GRM5: variants seen among roughly 807,000 people sequenced by gnomAD.
GRM5 encodes the protein glutamate metabotropic receptor 5.
Under a neutral mutation model 83.1 loss-of-function variants are expected in GRM5, and 19 were observed. The ratio of observed to expected loss-of-function variants is 0.23; its 90% CI spans 0.16 to 0.34. The LOEUF (loss-of-function observed/expected upper bound fraction) is 0.34. GRM5 is among the 10% of genes least tolerant of loss of function. The pLI, the probability that GRM5 is intolerant of heterozygous loss-of-function variation, is 1.00. For missense variants in GRM5, 1,160 were observed against 1,588.3 expected, an observed-to-expected ratio of 0.73 and a Z score of 4.58; for synonymous variants, 675 against 633.6, an observed-to-expected ratio of 1.07 and a Z score of -0.98.
At chr11:89,015,973 A>G (rs1256982022) in intron 2 of GRM5, among the ~76,000 whole-genome samples, 4 of 152,072 alleles carry the variant, frequency 2.6e-5, no homozygotes, top group Admixed American at 6.6e-5. Flanking sequence ...CTGTTTCTAA[A>G]AGTGATCAAA....
intron 2 of GRM5, among the ~76,000 whole-genome samples, chr11:88,889,127 G>T (rs144076549): frequency 6.6e-6 from 1 of 152,236 alleles, no homozygotes; most frequent in East Asian, 1.9e-4. Context: ...TAATCTTGAG[G>T]GCTAAGTTAA....
chr11:88,979,500 T>G (rs1013919902), intron 2 of GRM5, among the ~76,000 whole-genome samples: 2 of 152,190 alleles, frequency 1.3e-5, no homozygotes, highest in African/African-American at 4.8e-5. Flanking sequence ...TATTAATCCT[T>G]TCTAGGAGAC....
At chr11:88,924,134 C>CAAAAAAAAAAA (rs59939060) in intron 2 of GRM5, among the ~76,000 whole-genome samples, 2 of 146,840 alleles carry the variant, frequency 1.4e-5, no homozygotes, top group African/African-American at 5.0e-5. Context: ...TAGCTATAAT[C>CAAAAAAAAAAA]AAAAAAAAAA....
chr11:88,568,109 T>A, intron 7 of GRM5, 117 bp from the exon 8 acceptor site: 1 of 630,072 alleles, frequency 1.6e-6, no homozygotes, highest in Non-Finnish European at 2.8e-6. Flanking sequence ...TCTACCTTTC[T>A]AATTTCAGAA....
intron 2 of GRM5, among the ~76,000 whole-genome samples, chr11:89,027,704 G>A (rs7114254): frequency 0.44 from 66,331 of 152,034 alleles, 14,637 homozygotes; most frequent in Middle Eastern, 0.47. Context: ...ATTAGGACAT[G>A]TGAACGTATT....
At chr11:89,031,899 A>C (rs1941270761) in intron 2 of GRM5, among the ~76,000 whole-genome samples, 1 of 152,082 alleles carries the variant, frequency 6.6e-6, no homozygotes. Context: ...TTCAAAATGC[A>C]AAGAAAGGAC....
chr11:88,670,705 T>C (rs1309175039), intron 3 of GRM5, among the ~76,000 whole-genome samples: 1 of 152,104 alleles, frequency 6.6e-6, no homozygotes, highest in East Asian at 1.9e-4. Context: ...GTTTTTAAAG[T>C]GGTTAACTTT....
chr11:88,876,407 C>G (rs1319824328), intron 2 of GRM5, among the ~76,000 whole-genome samples: 1 of 152,104 alleles, frequency 6.6e-6, no homozygotes, highest in Non-Finnish European at 1.5e-5. Context: ...ATCCAGGCCA[C>G]TAAAACTTTC....
At chr11:89,050,880 C>T (rs1262998925) in intron 1 of GRM5, among the ~76,000 whole-genome samples, 1 of 152,062 alleles carries the variant, frequency 6.6e-6, no homozygotes, top group Admixed American at 6.6e-5. Flanking sequence ...TGCAGGTTCT[C>T]ACATGTAAAT....
At chr11:88,790,843 G>A (rs76242244) in intron 3 of GRM5, among the ~76,000 whole-genome samples, 5,513 of 152,226 alleles carry the variant, frequency 0.036, 269 homozygotes, top group Admixed American at 0.15. Flanking sequence ...GGAAGGCAAC[G>A]GCTAGCATAT....
chr11:88,811,655 C>A (rs1943590292), intron 3 of GRM5, among the ~76,000 whole-genome samples: 1 of 151,992 alleles, frequency 6.6e-6, no homozygotes, highest in Admixed American at 6.6e-5. Flanking sequence ...TAATTTAATA[C>A]CTATAGGACA....
chr11:88,983,481 T>C (rs924633380), intron 2 of GRM5, among the ~76,000 whole-genome samples: 1 of 152,198 alleles, frequency 6.6e-6, no homozygotes. Flanking sequence ...TCATAGTTAT[T>C]ATAATGTCAT....
At position 88,699,002 on chromosome 11, in the gene GRM5, A is replaced by G. The variant is rs543812986; in HGVS notation, c.912-45599T>C. 2.6e-5 allele frequency among the ~76,000 whole-genome samples: 4 copies of G among 152,298 alleles called. No homozygotes were observed. In the East Asian group the frequency reaches 7.7e-4, roughly 29 times the overall value. ...ATTATACAAGTGGTTACAACCTATG[A>G]GTAAGGACTATTGCTATTTCAAGGT... On this transcript the variant is annotated intron_variant, in intron 3 of 9. Transcript: ENST00000305447.
chr11:89,039,047 T>A (rs1018757687), intron 2 of GRM5, among the ~76,000 whole-genome samples: 5 of 151,966 alleles, frequency 3.3e-5, no homozygotes, highest in Non-Finnish European at 5.9e-5. Context: ...AGGCAGATCA[T>A]GAGGTCAGGA....
In GRM5 at chr11:88,567,027, T is replaced by C. The variant is rs763873982; in HGVS notation, c.2630+26A>G. The stretch of plus-strand genomic sequence containing the variant: ...TCTGCTCCAGTTTTAGGGGCCAGCA[T>C]CCCTGTAAGCCCCCACAACTTTTAC... On this transcript the variant is annotated intron_variant, in intron 8 of 9. Coordinates refer to ENST00000305447, the MANE Select transcript of GRM5 (RefSeq NM_001143831.3). This position sits in a 1 kb window ranked among gnomAD's most constrained non-coding sequence, Gnocchi z 7.3. The C allele has an allele frequency of 1.4e-6, 2 of 1,430,340 alleles. No homozygotes were observed. Among genetic ancestry groups the C allele is most frequent in the Admixed American group, 2.0e-5 (1 of 50,374 alleles). 88.6% of individuals were successfully genotyped at this position (1,430,340 alleles called of 1,614,324 possible). A position where few individuals can be genotyped will look rare whatever the true frequency, so the allele number is the denominator to read the frequency against.
At chr11:88,873,865 C>G (rs552440042) in intron 2 of GRM5, among the ~76,000 whole-genome samples, 1 of 151,638 alleles carries the variant, frequency 6.6e-6, no homozygotes, top group East Asian at 1.9e-4. Context: ...TAATAAAGAT[C>G]AGAGCATAAA....
At chr11:88,752,851 T>C (rs1942309201) in intron 3 of GRM5, among the ~76,000 whole-genome samples, 1 of 152,162 alleles carries the variant, frequency 6.6e-6, no homozygotes, top group African/African-American at 2.4e-5. Context: ...AAAACAGTAA[T>C]GGTGAAAAGA....
At chr11:88,743,128 C>G (rs867680916) in intron 3 of GRM5, among the ~76,000 whole-genome samples, 1 of 152,112 alleles carries the variant, frequency 6.6e-6, no homozygotes, top group Admixed American at 6.6e-5. Flanking sequence ...TATAGAAACC[C>G]CATGTCTGTT....
chr11:88,661,282 G>A (rs1243563384), intron 3 of GRM5, among the ~76,000 whole-genome samples: 3 of 152,046 alleles, frequency 2.0e-5, no homozygotes, highest in African/African-American at 4.8e-5. Flanking sequence ...AAATAACACA[G>A]ATTTCTTTTC....
Sources: gnomAD v4.1 joint callset for allele counts (sites outside exome capture counted in the v4.1 genomes callset) on GRCh38, gnomAD v4.1.1 for gene constraint, Gnocchi (gnomAD v3.1) non-coding constraint, MANE v1.5 for transcripts, NCBI Gene and HGNC (gene_info 2026-07-23, HGNC 2026-07-21) for gene names.